The following MEGF6 variants were observed in gnomAD, a reference collection of about 807,000 sequenced individuals.
MEGF6 encodes the protein multiple epidermal growth factor-like domains protein 6.
A neutral mutation model predicts 207.1 loss-of-function variants in MEGF6; 184 were observed. The observed-to-expected ratio is 0.89, with a 90% CI of 0.79 to 1.00. MEGF6 has a LOEUF of 1.00. Ranked by LOEUF, MEGF6 falls within the 50% of genes least tolerant of loss-of-function variation. The probability of loss-of-function intolerance (pLI) is 0.00; values close to 1 mark genes in which losing one functional copy is unlikely to be tolerated. For synonymous variants in MEGF6, 1,038 were observed against 910.0 expected (o/e 1.14, Z -2.53); for missense variants, 2,282 against 2,202.9 (o/e 1.04, Z -0.72).
chr1:3,616,360 T>A (rs568782243), upstream of MEGF6, among the ~76,000 whole-genome samples: 2 of 152,348 alleles, frequency 1.3e-5, no homozygotes, highest in East Asian at 3.9e-4. Flanking sequence ...AAAGGTGTTT[T>A]CTGACCCTCA....
At chr1:3,512,247 C>A (rs528325965) in intron 7 of MEGF6, 119 bp from the exon 8 acceptor site, 79 of 1,327,072 alleles carry the variant, frequency 6.0e-5, no homozygotes, top group Non-Finnish European at 7.8e-5. Context: ...ATGACACAGG[C>A]ATTCAAGGCC....
rs1330007303 is a variant in MEGF6, at chr1:3,497,232, C to T, written c.3481+1G>A. On this transcript the variant is annotated splice_donor_variant, in intron 27 of 36. Transcript: ENST00000356575. LOFTEE classifies it high-confidence loss of function. ...CGGGGTGGGGGCTTGGGAGCACCTACCCTGCTCGCAGCCGGAGCCAGTGAA... is the reference window on the plus strand; with the variant it reads ...CGGGGTGGGGGCTTGGGAGCACCTATCCTGCTCGCAGCCGGAGCCAGTGAA... 2.0e-6 allele frequency: 3 copies of T among 1,529,750 alleles called. No individual in the cohort carries two copies. The highest frequency in any genetic ancestry group is 2.8e-5 in the African/African-American group (2 of 72,154). 94.8% of individuals were successfully genotyped at this position (1,529,750 alleles called of 1,614,324 possible). A position where few individuals can be genotyped will look rare whatever the true frequency, so the allele number is the denominator to read the frequency against.
Position 3,492,208 on chromosome 1 carries a change from C to T in MEGF6, c.4516+431G>A, listed in dbSNP as rs185171112. The stretch of plus-strand genomic sequence containing the variant: ...CCTGCTGTACGCACTGTTGCACGTG[C>T]GTGCACAGACACACCCTCACACCCT... On this transcript the variant is annotated intron_variant, in intron 35 of 36. Transcript: ENST00000356575. Among the ~76,000 whole-genome samples, 9 of 152,148 alleles carry T rather than the reference C, an allele frequency of 5.9e-5. No individual in the cohort carries two copies. In the East Asian group the frequency reaches 1.6e-3, roughly 26 times the overall value.
chr1:3,564,540 T>C (rs1643294047), intron 4 of MEGF6, among the ~76,000 whole-genome samples: 1 of 152,060 alleles, frequency 6.6e-6, no homozygotes. Flanking sequence ...TGCCCAGCAC[T>C]GGCCTCCTCT....
intron 2 of MEGF6, 29 bp from the exon 3 acceptor site, chr1:3,595,476 T>C (rs1261131471): frequency 1.9e-6 from 3 of 1,577,694 alleles, no homozygotes; most frequent in Non-Finnish European, 1.7e-6. Flanking sequence ...GGGAAGTGCT[T>C]ACCGTCGCGG....
Position 3,509,992 on chromosome 1 carries a change from T to C in MEGF6, c.1235A>G (p.Asp412Gly), listed in dbSNP as rs1245375158. Reference sequence around the variant, plus strand: ...ACGGCTGGAGGCGCACTCATCCACATCTGCGGGCGACCCGGGACCACTGAG... The same window carrying C: ...ACGGCTGGAGGCGCACTCATCCACACCTGCGGGCGACCCGGGACCACTGAG... Reference protein sequence around the residue: ...RLSADGCGCEDVDECASSRGG... With the variant: ...RLSADGCGCEGVDECASSRGG... Residue 412 changes from aspartate to glycine, a missense_variant and splice_region_variant, in exon 11 of 37, where the codon GAT (aspartate) becomes GGT (glycine). Transcript: ENST00000356575. 1 of 1,583,468 alleles carries C rather than the reference T, an allele frequency of 6.3e-7. No individual in the cohort carries two copies. The highest frequency in any genetic ancestry group is 8.5e-7 in the Non-Finnish European group (1 of 1,172,090).
In MEGF6 at chr1:3,545,555, CCCCTCCTCATCACGGGTCTGGGAG is replaced by C. The variant is rs147021418; in HGVS notation, c.482-21333_482-21310del. ...CAGGAGAGAAGGCATAGCAGCTGGG[CCCCTCCTCATCACGGGTCTGGGAG>C]GGGGTTCTCCTCCCCTCATCCTGCC... On this transcript the variant is annotated intron_variant, in intron 4 of 36. Coordinates refer to ENST00000356575, the MANE Select transcript of MEGF6 (RefSeq NM_001409.4). Among the ~76,000 whole-genome samples the C allele has an allele frequency of 9.9e-3, 1,512 of 152,252 alleles. 24 individuals are homozygous for C. The highest frequency in any genetic ancestry group is 0.035 in the African/African-American group (1,439 of 41,530).
chr1:3,502,460 G>A (rs1392031435), intron 17 of MEGF6, among the ~76,000 whole-genome samples: 8 of 152,132 alleles, frequency 5.3e-5, no homozygotes, highest in African/African-American at 1.7e-4. Flanking sequence ...CCAGGGACTC[G>A]GCCCGAGGGC....
intron 4 of MEGF6, among the ~76,000 whole-genome samples, chr1:3,575,052 T>C (rs779623940): frequency 1.1e-4 from 17 of 152,240 alleles, no homozygotes; most frequent in Admixed American, 2.0e-4. Context: ...AAGAGATCTG[T>C]AGAGACTTTT....
chr1:3,517,021 C>T (rs1038763370), intron 5 of MEGF6, among the ~76,000 whole-genome samples: 2 of 152,250 alleles, frequency 1.3e-5, no homozygotes, highest in Non-Finnish European at 2.9e-5. Context: ...GCCTGCCTCA[C>T]CTGAGATGGC....
chr1:3,553,270 C>T (rs1319189152), intron 4 of MEGF6, among the ~76,000 whole-genome samples: 2 of 151,936 alleles, frequency 1.3e-5, no homozygotes, highest in Non-Finnish European at 2.9e-5. Flanking sequence ...TGCCCAGCTC[C>T]CCCCACCCCA....
intron 14 of MEGF6, 81 bp downstream of exon 14, chr1:3,507,714 G>A: frequency 1.9e-6 from 3 of 1,572,492 alleles, no homozygotes; most frequent in South Asian, 2.2e-5. Context: ...AGGAGACAAG[G>A]AGGACGTGGA....
At chr1:3,563,919 C>T (rs1557779295) in intron 4 of MEGF6, among the ~76,000 whole-genome samples, 1 of 152,202 alleles carries the variant, frequency 6.6e-6, no homozygotes, top group Non-Finnish European at 1.5e-5. Flanking sequence ...AAGGCAATAG[C>T]AAAACCCTGC....
chr1:3,534,303 C>T (rs1390834674), intron 4 of MEGF6, among the ~76,000 whole-genome samples: 1 of 152,204 alleles, frequency 6.6e-6, no homozygotes, highest in Non-Finnish European at 1.5e-5. Context: ...CATATTTGCA[C>T]CTATTATGTT....
At chr1:3,512,950 C>T (rs1437318021) in intron 7 of MEGF6, among the ~76,000 whole-genome samples, 2 of 152,284 alleles carry the variant, frequency 1.3e-5, no homozygotes, top group Non-Finnish European at 2.9e-5. Context: ...GTCAGGAACA[C>T]CCAGACGTGC....
intron 15 of MEGF6, 74 bp downstream of exon 15, chr1:3,506,034 A>G: frequency 6.7e-7 from 1 of 1,495,400 alleles, no homozygotes; most frequent in Non-Finnish European, 9.0e-7. Flanking sequence ...CCCAGACTAC[A>G]GGTAACAGGA....
At chr1:3,578,188 T>A (rs944267704) in intron 4 of MEGF6, among the ~76,000 whole-genome samples, 9 of 152,214 alleles carry the variant, frequency 5.9e-5, no homozygotes, top group Admixed American at 4.6e-4. Context: ...CACAGGAGGC[T>A]CTGCTTGGCC....
chr1:3,591,285 C>G (rs1643972995), intron 3 of MEGF6, among the ~76,000 whole-genome samples: 2 of 152,164 alleles, frequency 1.3e-5, no homozygotes, highest in Admixed American at 1.3e-4. Context: ...AGAGATATCC[C>G]AGAACCACCG....
intron 4 of MEGF6, among the ~76,000 whole-genome samples, chr1:3,550,802 G>A (rs1642860583): frequency 6.6e-6 from 1 of 152,266 alleles, no homozygotes; most frequent in African/African-American, 2.4e-5. Context: ...GAGAACCCGA[G>A]GGGAGCAAGA....
Sources: gnomAD v4.1 joint callset for allele counts (sites outside exome capture counted in the v4.1 genomes callset) on GRCh38, gnomAD v4.1.1 for gene constraint, MANE v1.5 for transcripts, NCBI Gene and HGNC (gene_info 2026-07-23, HGNC 2026-07-21) for gene names.